The following EPB41L4A variants were observed in gnomAD, a reference collection of about 807,000 sequenced individuals.
EPB41L4A encodes the protein erythrocyte membrane protein band 4.1 like 4A, also known as band 4.1-like protein 4A.
A neutral mutation model predicts 108.6 loss-of-function variants in EPB41L4A; 100 were observed. That is an observed-to-expected ratio of 0.92 (90% CI 0.78 to 1.09). The LOEUF (loss-of-function observed/expected upper bound fraction) is 1.09, where lower values mean the gene tolerates loss of function less well. Among genes scored for constraint, EPB41L4A ranks in the 50% least tolerant of loss-of-function variants. The pLI, the probability that EPB41L4A is intolerant of heterozygous loss-of-function variation, is 0.00. For missense variants in EPB41L4A, 1,030 were observed against 842.7 expected (o/e 1.22, Z -2.75); for synonymous variants, 319 against 289.0 (o/e 1.10, Z -1.05).
chr5:112,210,090 A>ATT (rs1762663598), intron 12 of EPB41L4A, 108 bp from the exon 13 acceptor site: 1 of 621,270 alleles, frequency 1.6e-6, no homozygotes, highest in Admixed American at 3.1e-5. Context: ...ACTGTGGCAC[A>ATT]TTTTATTGAT....
intron 1 of EPB41L4A, among the ~76,000 whole-genome samples, chr5:112,382,320 G>T (rs1367692138): frequency 6.6e-6 from 1 of 152,092 alleles, no homozygotes; most frequent in African/African-American, 2.4e-5. Context: ...ACCAATAATG[G>T]TTAGAAAAGA....
At chr5:112,177,958 T>G (rs1036578337) in intron 18 of EPB41L4A, among the ~76,000 whole-genome samples, 3 of 151,738 alleles carry the variant, frequency 2.0e-5, no homozygotes, top group Non-Finnish European at 4.4e-5. Flanking sequence ...GATGGTAGAT[T>G]TATATCGCAA....
At position 112,394,513 on chromosome 5, in the gene EPB41L4A, C is replaced by T. The variant is rs1580822020; in HGVS notation, c.99+24428G>A. On this transcript the variant is annotated intron_variant, in intron 1 of 22. Coordinates refer to ENST00000261486, the MANE Select transcript of EPB41L4A (RefSeq NM_022140.5). ...CAATTGCTTCAAAGAGAATAAAATA[C>T]CTAGGAATCCAACTTGCAAGGGATG... Among the ~76,000 whole-genome samples the T allele has an allele frequency of 2.0e-5, 3 of 152,226 alleles. No homozygotes were observed. In the East Asian group the frequency reaches 5.8e-4, roughly 29 times the overall value.
chr5:112,204,551 G>C, intron 14 of EPB41L4A, 63 bp from the exon 15 acceptor site: 1 of 1,044,888 alleles, frequency 9.6e-7, no homozygotes, highest in Non-Finnish European at 1.5e-6. Context: ...ACACACCGCA[G>C]CCCAGACCTA....
rs912041884 is a variant in EPB41L4A, at chr5:112,308,768, T to G, written c.100-1278A>C. Among the ~76,000 whole-genome samples the G allele has an allele frequency of 1.6e-3, 242 of 152,208 alleles. 1 individual carries two copies. The highest frequency in any genetic ancestry group is 2.5e-4 in the Non-Finnish European group (17 of 68,026). ...TGAAATTACTCATCTGAAGGATATGTATACTCATAATTACAGTGGGCACTG... is the reference window on the plus strand; with the variant it reads ...TGAAATTACTCATCTGAAGGATATGGATACTCATAATTACAGTGGGCACTG... On this transcript the variant is annotated intron_variant, in intron 1 of 22. Coordinates refer to ENST00000261486, the MANE Select transcript of EPB41L4A (RefSeq NM_022140.5).
chr5:112,237,053 C>A (rs778054003), intron 11 of EPB41L4A, among the ~76,000 whole-genome samples: 2 of 152,164 alleles, frequency 1.3e-5, no homozygotes, highest in Admixed American at 6.5e-5. Flanking sequence ...CCTTCTTTCT[C>A]AATTCTCAAG....
At chr5:112,240,650 TTC>T in intron 10 of EPB41L4A, 67 bp downstream of exon 10, 1 of 872,070 alleles carries the variant, frequency 1.1e-6, no homozygotes, top group Admixed American at 2.9e-5. Flanking sequence ...TTAGACAGAA[TTC>T]TTTTTATAAA....
chr5:112,368,776 G>A (rs1759303452), intron 1 of EPB41L4A, among the ~76,000 whole-genome samples: 1 of 152,124 alleles, frequency 6.6e-6, no homozygotes, highest in Admixed American at 6.5e-5. Context: ...TTCTTCTGGA[G>A]CTCTCTCACC....
In EPB41L4A at chr5:112,335,699, G is replaced by A. The variant is rs139412494; in HGVS notation, c.100-28209C>T. 2.2e-3 allele frequency among the ~76,000 whole-genome samples: 329 copies of A among 152,298 alleles called. 1 individual carries two copies. Among genetic ancestry groups the A allele is most frequent in the African/African-American group, 7.6e-3 (317 of 41,554 alleles). On this transcript the variant is annotated intron_variant, in intron 1 of 22. Transcript: ENST00000261486. ...TGTCCCCATATCTACTTCTGCTCCT[G>A]TCTCCACAGAGCAGCCAGAGAGAGA...
intron 1 of EPB41L4A, among the ~76,000 whole-genome samples, chr5:112,340,093 C>G (rs566624426): frequency 6.6e-6 from 1 of 152,092 alleles, no homozygotes; most frequent in African/African-American, 2.4e-5. Flanking sequence ...AGAAAAGTCA[C>G]GGAGGAGAGC....
chr5:112,295,663 G>C (rs899946011), intron 2 of EPB41L4A, among the ~76,000 whole-genome samples: 5 of 152,142 alleles, frequency 3.3e-5, no homozygotes, highest in African/African-American at 1.2e-4. Flanking sequence ...CTTTAATAAA[G>C]ACACTATAAA....
intron 1 of EPB41L4A, among the ~76,000 whole-genome samples, chr5:112,351,923 G>C (rs1379898656): frequency 6.6e-6 from 1 of 152,098 alleles, no homozygotes; most frequent in African/African-American, 2.4e-5. Flanking sequence ...TAGATGCAGA[G>C]AAAGCATTTG....
chr5:112,215,777 A>AAC (rs1747595384), intron 12 of EPB41L4A, among the ~76,000 whole-genome samples: 3 of 133,874 alleles, frequency 2.2e-5, no homozygotes, highest in Non-Finnish European at 3.4e-5. Context: ...AAAAAAAAAA[A>AAC]CAAAAAAAAC....
rs1760414790 is a variant in EPB41L4A at position 112,168,997 on chromosome 5, C to T, written c.1848G>A (p.Val616=). 1.2e-6 allele frequency: 2 copies of T among 1,611,406 alleles called. No individual in the cohort carries two copies. The highest frequency in any genetic ancestry group is 8.5e-7 in the Non-Finnish European group (1 of 1,177,482). ...SDGERSVLSE[V]NSKTDLVPPL... is the part of the protein sequence containing the mutation. ...TGTACTCTGGCCTGCCCACTTACTT[C>T]ACTTCCGAGAGAACTGATCGCTCCC... The change falls in exon 21 of 23, where the codon GTG becomes GTA. Residue 616 remains valine, a splice_region_variant and synonymous_variant. Transcript: ENST00000261486.
At chr5:112,158,233 A>T (rs1759717444), downstream of EPB41L4A, among the ~76,000 whole-genome samples, 1 of 152,236 alleles carries the variant, frequency 6.6e-6, no homozygotes, top group Admixed American at 6.5e-5. Flanking sequence ...ATAAGAACTC[A>T]ATACAAGAAG....
At chr5:112,149,494 T>C (rs1472776301) in intron 12 of EPB41L4A, among the ~76,000 whole-genome samples, 2 of 152,092 alleles carry the variant, frequency 1.3e-5, no homozygotes, top group South Asian at 4.1e-4. Context: ...AGAGACTTTG[T>C]GAGCACTCTA....
intron 7 of EPB41L4A, among the ~76,000 whole-genome samples, chr5:112,260,386 C>G (rs1751415220): frequency 6.6e-6 from 1 of 152,130 alleles, no homozygotes; most frequent in Non-Finnish European, 1.5e-5. Context: ...GCCAAAGTAG[C>G]AGAAAAAACA....
chr5:112,362,480 C>G (rs973774460), intron 1 of EPB41L4A, among the ~76,000 whole-genome samples: 14 of 151,986 alleles, frequency 9.2e-5, no homozygotes, highest in Admixed American at 6.6e-4. Context: ...GGGATTTCAC[C>G]ATGTTGCCCA....
chr5:112,416,304 A>G (rs1381302692), intron 1 of EPB41L4A, among the ~76,000 whole-genome samples: 3 of 152,154 alleles, frequency 2.0e-5, no homozygotes, highest in Non-Finnish European at 4.4e-5. Context: ...GCTATAATTA[A>G]TCTTTTCTAA....
Sources: gnomAD v4.1 joint callset for allele counts (sites outside exome capture counted in the v4.1 genomes callset) on GRCh38, gnomAD v4.1.1 for gene constraint, MANE v1.5 for transcripts, NCBI Gene and HGNC (gene_info 2026-07-23, HGNC 2026-07-21) for gene names.